VDR: variants seen among roughly 807,000 people sequenced by gnomAD.
The protein encoded by VDR is vitamin D receptor.
In VDR, 19 loss-of-function variants were observed where a neutral mutation model predicts 39.7. That is an observed-to-expected ratio of 0.48 (90% CI 0.33 to 0.70). The LOEUF (loss-of-function observed/expected upper bound fraction) is 0.70. Among genes scored for constraint, VDR ranks in the 30% least tolerant of loss-of-function variants. The pLI, the probability that VDR is intolerant of heterozygous loss-of-function variation, is 0.02. For missense variants in VDR, 442 were observed against 570.5 expected (o/e 0.77, Z 2.29); for synonymous variants, 242 against 215.8 (o/e 1.12, Z -1.07).
chr12:47,844,605 C>G lies in VDR; in HGVS notation c.*141G>C. ...TAGGTTGGACAGGAGAGAGAATGGG[C>G]TGGGTGGATAGGGGAGGTGGCAGAG... is the stretch of plus-strand genomic sequence containing the variant. On this transcript the variant is annotated 3_prime_UTR_variant, in exon 10 of 10. Coordinates refer to ENST00000549336, the MANE Select transcript of VDR (RefSeq NM_000376.3). 1 of 1,157,568 alleles carries G rather than the reference C, an allele frequency of 8.6e-7. No homozygotes were observed. The highest frequency in any genetic ancestry group is 1.2e-6 in the Non-Finnish European group (1 of 808,602). 71.7% of individuals were successfully genotyped at this position (1,157,568 alleles called of 1,614,324 possible).
chr12:47,847,891 C>T (rs1481961478), intron 7 of VDR, among the ~76,000 whole-genome samples: 1 of 152,166 alleles, frequency 6.6e-6, no homozygotes, highest in African/African-American at 2.4e-5. Flanking sequence ...TACAGGTGCA[C>T]ACCATCACGC....
At chr12:47,897,652 G>A (rs1946486105) in intron 1 of VDR, among the ~76,000 whole-genome samples, 1 of 152,158 alleles carries the variant, frequency 6.6e-6, no homozygotes, top group African/African-American at 2.4e-5. Flanking sequence ...GTCCTAGCAG[G>A]GTATTCGACC....
chr12:47,898,096 G>A (rs937533820), intron 1 of VDR, among the ~76,000 whole-genome samples: 6 of 152,182 alleles, frequency 3.9e-5, no homozygotes, highest in Admixed American at 2.0e-4. Flanking sequence ...ATGTAGAACC[G>A]TGGGATCCCT....
intron 2 of VDR, 67 bp from the exon 3 acceptor site, chr12:47,879,182 G>A (rs1946083969): frequency 1.3e-6 from 2 of 1,569,236 alleles, no homozygotes; most frequent in Non-Finnish European, 1.7e-6. Flanking sequence ...GGCATCCTTG[G>A]TGCCACCCAC....
chr12:47,891,715 C>T (rs1262880296), intron 1 of VDR, among the ~76,000 whole-genome samples: 1 of 152,198 alleles, frequency 6.6e-6, no homozygotes, highest in South Asian at 2.1e-4. Context: ...CTGATTACCA[C>T]CCTTACAGCC....
chr12:47,888,745 G>C (rs1022274579), intron 1 of VDR, among the ~76,000 whole-genome samples: 1 of 152,144 alleles, frequency 6.6e-6, no homozygotes, highest in South Asian at 2.1e-4. Flanking sequence ...GTATTTAGAG[G>C]CTGGGATGGG....
At chr12:47,852,172 G>C (rs974508049) in intron 7 of VDR, among the ~76,000 whole-genome samples, 3 of 152,190 alleles carry the variant, frequency 2.0e-5, no homozygotes, top group Admixed American at 2.0e-4. Flanking sequence ...TGCAATCTCA[G>C]CCACCATTGG....
At chr12:47,896,164 A>G (rs1946461883) in intron 1 of VDR, among the ~76,000 whole-genome samples, 3 of 152,258 alleles carry the variant, frequency 2.0e-5, no homozygotes, top group Admixed American at 6.5e-5. Flanking sequence ...AGTCCATGAG[A>G]TAATCACGTC....
chr12:47,859,788 C>G (rs1476680056), intron 4 of VDR, among the ~76,000 whole-genome samples: 3 of 152,166 alleles, frequency 2.0e-5, no homozygotes, highest in Non-Finnish European at 2.9e-5. Context: ...TTACAAGTTA[C>G]TTAAGGGCAG....
At chr12:47,874,007 G>A (rs1945948558) in intron 3 of VDR, among the ~76,000 whole-genome samples, 1 of 152,194 alleles carries the variant, frequency 6.6e-6, no homozygotes, top group African/African-American at 2.4e-5. Flanking sequence ...TCATGCAAAT[G>A]AGCCCTGATT....
At chr12:47,872,364 G>A (rs1210929169) in intron 3 of VDR, among the ~76,000 whole-genome samples, 1 of 152,200 alleles carries the variant, frequency 6.6e-6, no homozygotes, top group East Asian at 1.9e-4. Flanking sequence ...GCAGAAAGAG[G>A]CAGTGGGAGG....
At chr12:47,858,640 G>A (rs1945547186) in intron 4 of VDR, among the ~76,000 whole-genome samples, 1 of 152,232 alleles carries the variant, frequency 6.6e-6, no homozygotes, top group Non-Finnish European at 1.5e-5. Flanking sequence ...ACGGCGGCTG[G>A]GCAAACAGAC....
At chr12:47,871,031 G>A (rs1945844408) in intron 3 of VDR, among the ~76,000 whole-genome samples, 2 of 152,024 alleles carry the variant, frequency 1.3e-5, no homozygotes, top group African/African-American at 4.8e-5. Context: ...CCTCAGGTGG[G>A]TTTAAAAAAA....
At chr12:47,901,592 A>G (rs972473911) in intron 1 of VDR, 5 of 154,488 alleles carry the variant, frequency 3.2e-5, no homozygotes, top group South Asian at 2.0e-4. Flanking sequence ...CCTTTATCAG[A>G]GTGGGCGAGG....
intron 8 of VDR, 50 bp from the exon 9 acceptor site, chr12:47,846,501 A>G: frequency 6.5e-7 from 1 of 1,548,556 alleles, no homozygotes; most frequent in Non-Finnish European, 8.7e-7. Context: ...GGAGCCGCCC[A>G]CCCACCTCCA....
chr12:47,869,435 C>T (rs530651317), intron 3 of VDR, among the ~76,000 whole-genome samples: 1 of 145,902 alleles, frequency 6.9e-6, no homozygotes, highest in East Asian at 2.1e-4. Context: ...ACTCGGGAGG[C>T]TGAGGCAGGA....
At chr12:47,898,103 C>T (rs1396681118) in intron 1 of VDR, among the ~76,000 whole-genome samples, 1 of 152,144 alleles carries the variant, frequency 6.6e-6, no homozygotes, top group Admixed American at 6.5e-5. Context: ...ACCGTGGGAT[C>T]CCTCAAGCAC....
intron 1 of VDR, among the ~76,000 whole-genome samples, chr12:47,900,316 A>G (rs140561423): frequency 2.0e-5 from 3 of 152,184 alleles, no homozygotes; most frequent in Non-Finnish European, 4.4e-5. Context: ...TAGTTAGTAC[A>G]TCTAACCTCT....
At position 47,878,732 on chromosome 12, in the gene VDR, A is replaced by G. The variant is rs11574049; in HGVS notation, c.146+236T>C. The G allele has an allele frequency of 0.019, 12,903 of 678,024 alleles. 174 individuals carry two copies. The highest frequency in any genetic ancestry group is 0.025 in the Non-Finnish European group (9,445 of 384,238). The allele number at this position is 678,024 out of a possible 1,614,324, so 42.0% of individuals were successfully genotyped here. ...AGGCGTAATGGAAAGACAGAGACCC[A>G]CACAGCAACCTCAGGAAAGCGATTT... On this transcript the variant is annotated intron_variant, in intron 3 of 9. Transcript: ENST00000549336.
Sources: gnomAD v4.1 joint callset for allele counts (sites outside exome capture counted in the v4.1 genomes callset) on GRCh38, gnomAD v4.1.1 for gene constraint, MANE v1.5 for transcripts, NCBI Gene and HGNC (gene_info 2026-07-23, HGNC 2026-07-21) for gene names.